Variants in MCCC1 observed in about 807,000 individuals in gnomAD.
MCCC1 encodes the protein methylcrotonoyl-CoA carboxylase subunit alpha, mitochondrial.
MCCC1 carries 64 observed loss-of-function variants against 83.8 expected under a neutral mutation model. That is an observed-to-expected ratio of 0.76 (90% CI 0.62 to 0.94). MCCC1 has a LOEUF of 0.94. Ranked by LOEUF, MCCC1 falls within the 40% of genes least tolerant of loss-of-function variation. The pLI is 0.00. For missense variants in MCCC1, 807 were observed against 904.7 expected, an observed-to-expected ratio of 0.89 and a Z score of 1.39; for synonymous variants, 322 against 315.4, an observed-to-expected ratio of 1.02 and a Z score of -0.22.
At chr3:183,019,253 A>G (rs891633314) in intron 17 of MCCC1, among the ~76,000 whole-genome samples, 3 of 152,208 alleles carry the variant, frequency 2.0e-5, no homozygotes, top group Non-Finnish European at 4.4e-5. Flanking sequence ...AAAGGAGACT[A>G]CGGATACTGA....
upstream of MCCC1, among the ~76,000 whole-genome samples, chr3:183,100,679 G>T (rs767041736): frequency 2.6e-4 from 39 of 152,166 alleles, no homozygotes; most frequent in South Asian, 4.1e-4. Flanking sequence ...TATTAACTAC[G>T]CTGGGTGCTG....
intron 8 of MCCC1, among the ~76,000 whole-genome samples, chr3:183,057,000 T>A (rs1715470394): frequency 1.3e-5 from 2 of 152,170 alleles, no homozygotes; most frequent in African/African-American, 4.8e-5. Flanking sequence ...TGGCCATTCA[T>A]TACAATTTAA....
chr3:183,072,470 G>A lies in MCCC1; in HGVS notation c.387C>T (p.Cys129=), dbSNP rs761110034. 4.3e-6 allele frequency: 7 copies of A among 1,613,712 alleles called. No homozygotes were observed. The highest frequency in any genetic ancestry group is 2.2e-5 in the East Asian group (1 of 44,846). The change falls in exon 5 of 19, where the codon TGC becomes TGT. Residue 129 remains cysteine (C), a synonymous_variant. Coordinates refer to ENST00000265594, the MANE Select transcript of MCCC1 (RefSeq NM_020166.5). ...TSAAQAIHPG[C]GFLSENMEFA... ...ATTCCATGTTTTCTGAGAGAAAACC[G>A]CATCCTGGATGGATAGCCTAGAAAT...
chr3:183,089,987 T>C (rs967615767), intron 3 of MCCC1, among the ~76,000 whole-genome samples: 1 of 152,156 alleles, frequency 6.6e-6, no homozygotes, highest in Non-Finnish European at 1.5e-5. Context: ...AAGTCTGGAC[T>C]AAAAATAGAA....
At chr3:183,093,786 G>A (rs1397370440) in intron 2 of MCCC1, among the ~76,000 whole-genome samples, 1 of 152,186 alleles carries the variant, frequency 6.6e-6, no homozygotes, top group East Asian at 1.9e-4. Flanking sequence ...GGAGAGCACA[G>A]TAGGTAGAGG....
At chr3:183,037,581 G>C in intron 12 of MCCC1, 147 bp from the exon 13 acceptor site, 1 of 726,788 alleles carries the variant, frequency 1.4e-6, no homozygotes, top group Non-Finnish European at 2.4e-6. Flanking sequence ...GTGGCAACAG[G>C]ACAATTCTCA....
At chr3:183,028,011 A>G (rs984997937) in intron 14 of MCCC1, among the ~76,000 whole-genome samples, 1 of 152,230 alleles carries the variant, frequency 6.6e-6, no homozygotes, top group Non-Finnish European at 1.5e-5. Flanking sequence ...GGAAGATGCC[A>G]TCTAGGACTT....
chr3:183,083,748 A>G (rs1717687181), intron 4 of MCCC1, among the ~76,000 whole-genome samples: 1 of 152,232 alleles, frequency 6.6e-6, no homozygotes, highest in African/African-American at 2.4e-5. Context: ...TGGATTTTCA[A>G]TTCTTCAGGA....
At chr3:183,095,407 T>C (rs865888574) in intron 1 of MCCC1, among the ~76,000 whole-genome samples, 2 of 152,244 alleles carry the variant, frequency 1.3e-5, no homozygotes, top group Non-Finnish European at 2.9e-5. Context: ...ACATGAGACA[T>C]GTTTAAAAAG....
intron 7 of MCCC1, among the ~76,000 whole-genome samples, chr3:183,063,695 T>C (rs1046446274): frequency 6.6e-5 from 10 of 152,210 alleles, no homozygotes; most frequent in Non-Finnish European, 1.0e-4. Context: ...GAATCCTCTC[T>C]TGGGGTCTGG....
chr3:183,057,516 T>A, intron 7 of MCCC1, 94 bp from the exon 8 acceptor site: 1 of 994,262 alleles, frequency 1.0e-6, no homozygotes, highest in East Asian at 2.6e-5. Context: ...TCACCAGGAT[T>A]TCTCCATTTT....
intron 3 of MCCC1, among the ~76,000 whole-genome samples, chr3:183,087,962 G>A (rs1280250027): frequency 1.3e-5 from 2 of 151,632 alleles, no homozygotes; most frequent in Non-Finnish European, 2.9e-5. Flanking sequence ...CTGAGGATGA[G>A]GCTCTCAGGC....
chr3:183,094,648 G>A (rs1718610709), intron 1 of MCCC1, 43 bp from the exon 2 acceptor site: 2 of 1,565,672 alleles, frequency 1.3e-6, no homozygotes, highest in Admixed American at 1.7e-5. Context: ...AACAGAATAG[G>A]CAACACAATT....
chr3:183,078,987 C>T (rs1216728965), intron 4 of MCCC1, among the ~76,000 whole-genome samples: 1 of 152,174 alleles, frequency 6.6e-6, no homozygotes, highest in Non-Finnish European at 1.5e-5. Flanking sequence ...TCATTCATGA[C>T]CATGAGAACA....
intron 3 of MCCC1, among the ~76,000 whole-genome samples, chr3:183,088,070 G>A (rs1215133049): frequency 1.3e-5 from 2 of 151,990 alleles, no homozygotes; most frequent in Admixed American, 6.6e-5. Context: ...AGGGGTCCAG[G>A]GGCCAGAGAG....
Position 183,052,175 on chromosome 3 carries a change from T to C in MCCC1, c.939A>G (p.Val313=). The part of the protein sequence containing the change: ...GEAAVRAAKA[V]NYVGAGTVEF... ...TTAACCTACCTGCTCCAACATAATTTACAGCTTTAGCAGCTCTGACTGCAG... is the reference window on the plus strand; with the variant it reads ...TTAACCTACCTGCTCCAACATAATTCACAGCTTTAGCAGCTCTGACTGCAG... Residue 313 remains valine (V), a synonymous_variant, in exon 9 of 19, where the codon GTA becomes GTG. Transcript: ENST00000265594. 4 of 1,614,142 alleles carry C rather than the reference T, an allele frequency of 2.5e-6. No individual in the cohort carries two copies. Among genetic ancestry groups the C allele is most frequent in the Non-Finnish European group, 3.4e-6 (4 of 1,179,992 alleles).
At chr3:183,057,638 G>A (rs1160018342) in intron 7 of MCCC1, among the ~76,000 whole-genome samples, 1 of 152,304 alleles carries the variant, frequency 6.6e-6, no homozygotes, top group East Asian at 1.9e-4. Context: ...CAGCACTTTG[G>A]GTGCCAAGGC....
intron 1 of MCCC1, among the ~76,000 whole-genome samples, chr3:183,108,514 G>T (rs1223432044): frequency 6.6e-6 from 1 of 152,096 alleles, no homozygotes; most frequent in African/African-American, 2.4e-5. Context: ...AGGTAGAATT[G>T]TGTTTCATTC....
chr3:183,037,156 A>G, intron 13 of MCCC1, 62 bp downstream of exon 13: 18 of 1,497,846 alleles, frequency 1.2e-5, no homozygotes, highest in Non-Finnish European at 1.7e-5. Flanking sequence ...CAGAAAGAAA[A>G]GCATGTTCAA....
Sources: allele counts gnomAD v4.1 joint callset (sites outside exome capture counted in the v4.1 genomes callset), GRCh38; gene constraint gnomAD v4.1.1; transcripts MANE v1.5; gene names NCBI Gene and HGNC (gene_info 2026-07-23, HGNC 2026-07-21).